Variants in WWP1 observed in about 807,000 individuals in gnomAD.
WWP1 encodes WW domain containing E3 ubiquitin protein ligase 1, also known as NEDD4-like E3 ubiquitin-protein ligase WWP1.
In WWP1, 49 loss-of-function variants were observed where a neutral mutation model predicts 130.6. The observed-to-expected ratio is 0.38, with a 90% CI of 0.30 to 0.48. The LOEUF (loss-of-function observed/expected upper bound fraction) is 0.48. Ranked by LOEUF, WWP1 falls within the 20% of genes least tolerant of loss-of-function variation. The pLI is 0.99. For missense variants in WWP1, 809 were observed against 1,100.6 expected (o/e 0.74, Z 3.75); for synonymous variants, 332 against 367.8 (o/e 0.90, Z 1.11).
At chr8:86,402,816 A>G (rs772415930) in intron 8 of WWP1, among the ~76,000 whole-genome samples, 18 of 152,228 alleles carry the variant, frequency 1.2e-4, no homozygotes, top group Non-Finnish European at 2.1e-4. Flanking sequence ...ATATTTCTGA[A>G]AGAACTTTAG....
At chr8:86,391,930 G>C (rs1807369161) in intron 5 of WWP1, among the ~76,000 whole-genome samples, 1 of 152,094 alleles carries the variant, frequency 6.6e-6, no homozygotes, top group Non-Finnish European at 1.5e-5. Context: ...ACAGAGGAAG[G>C]ATTTACCATT....
At chr8:86,454,831 A>G (rs1471903849) in intron 21 of WWP1, among the ~76,000 whole-genome samples, 1 of 152,010 alleles carries the variant, frequency 6.6e-6, no homozygotes, top group Non-Finnish European at 1.5e-5. Flanking sequence ...TTTCTTTTAC[A>G]TATAAGATGA....
chr8:86,357,431 G>A (rs1182770285), intron 1 of WWP1, among the ~76,000 whole-genome samples: 2 of 152,098 alleles, frequency 1.3e-5, no homozygotes, highest in East Asian at 3.8e-4. Context: ...AAAGTATGAT[G>A]GTTCATTTAA....
In WWP1 at chr8:86,411,749, G is replaced by C. The variant is rs1373594423; in HGVS notation, c.936G>C (p.Glu312Asp). The change falls in exon 9 of 25, where the codon GAG becomes GAC. Residue 312 changes from glutamate (E) to aspartate (D), a missense_variant. Transcript: ENST00000517970. The stretch of plus-strand genomic sequence containing the variant: ...AATCTGAAGCTAGAAGTATATTAGA[G>C]CCTGACACCTCTAATTCTAGAAGTA... ...ELESEARSIL[E>D]PDTSNSRSSS... is the part of the protein sequence containing the mutation. The C allele has an allele frequency of 1.2e-6, 2 of 1,614,160 alleles. No individual in the cohort carries two copies. Among genetic ancestry groups the C allele is most frequent in the South Asian group, 2.2e-5 (2 of 91,080 alleles).
chr8:86,449,667 A>G (rs551458275), intron 20 of WWP1, among the ~76,000 whole-genome samples: 1 of 152,152 alleles, frequency 6.6e-6, no homozygotes, highest in Non-Finnish European at 1.5e-5. Context: ...CAAACTTTTC[A>G]TTTTTCCTAG....
rs530178421 is a variant in WWP1, at chr8:86,402,214, C to T, written c.724+11C>T. 6.2e-7 allele frequency: 1 copy of T among 1,609,444 alleles called. No individual in the cohort carries two copies. Among genetic ancestry groups the T allele is most frequent in the South Asian group, 1.1e-5 (1 of 90,466 alleles). ...CTGCCGATGACACTGGTAAGCAAGG[C>T]TATTTATGACACCTTGTTTAAAGGA... On this transcript the variant is annotated intron_variant, in intron 8 of 24. Transcript: ENST00000517970.
intron 24 of WWP1, among the ~76,000 whole-genome samples, chr8:86,466,142 A>T (rs1812104923): frequency 6.6e-6 from 1 of 152,184 alleles, no homozygotes; most frequent in African/African-American, 2.4e-5. Context: ...ACAAAACGAA[A>T]TGTTATTCCA....
At chr8:86,382,077 T>G (rs1825015166) in intron 5 of WWP1, among the ~76,000 whole-genome samples, 1 of 152,052 alleles carries the variant, frequency 6.6e-6, no homozygotes, top group Admixed American at 6.5e-5. Flanking sequence ...ATATAAAAAT[T>G]TTCTATAATT....
chr8:86,403,150 G>C (rs1383444678), intron 8 of WWP1, among the ~76,000 whole-genome samples: 1 of 152,164 alleles, frequency 6.6e-6, no homozygotes, highest in Non-Finnish European at 1.5e-5. Flanking sequence ...TAGCACACAT[G>C]TTGGGAATTA....
At chr8:86,378,594 T>C (rs1376454226) in intron 3 of WWP1, among the ~76,000 whole-genome samples, 1 of 152,188 alleles carries the variant, frequency 6.6e-6, no homozygotes, top group Non-Finnish European at 1.5e-5. Flanking sequence ...TTCTACTAAC[T>C]AGAACAACTT....
intron 5 of WWP1, among the ~76,000 whole-genome samples, chr8:86,383,409 A>G (rs1045855884): frequency 5.9e-5 from 9 of 152,238 alleles, no homozygotes; most frequent in African/African-American, 1.2e-4. Context: ...TGTAATGTCA[A>G]TACACTTCGA....
At chr8:86,362,087 C>T (rs1034494265) in intron 1 of WWP1, among the ~76,000 whole-genome samples, 1 of 124,772 alleles carries the variant, frequency 8.0e-6, no homozygotes, top group African/African-American at 3.5e-5. Flanking sequence ...TATATACACA[C>T]ATATATATAT....
chr8:86,425,156 GAAGA>G, intron 9 of WWP1, 63 bp from the exon 10 acceptor site: 1 of 1,299,088 alleles, frequency 7.7e-7, no homozygotes, highest in Non-Finnish European at 1.1e-6. Context: ...TGATTATAAG[GAAGA>G]GTCATTTTTA....
At position 86,402,035 on chromosome 8, in the gene WWP1, A is replaced by G. The variant is rs762484613; in HGVS notation, c.556A>G (p.Thr186Ala). Residue 186 changes from threonine to alanine, a missense_variant, in exon 8 of 25, where the codon ACG (threonine) becomes GCG (alanine). Around this residue, in one of 3 missense-constraint regions of WWP1, gnomAD observed 262 missense variants for 346.0 expected, o/e 0.76. Transcript: ENST00000517970. The stretch of plus-strand genomic sequence containing the variant: ...TTTTTCAAGGTTGGCTGTTGAAGGC[A>G]CGAATGGAATAGATAATCATGTACC... ...RTTARLAVEG[T>A]NGIDNHVPTS... The G allele has an allele frequency of 1.9e-6, 3 of 1,584,158 alleles. No individual in the cohort carries two copies. The South Asian group carries it at 3.5e-5, about 18-fold the overall frequency.
chr8:86,388,407 T>C (rs906764715), intron 5 of WWP1, among the ~76,000 whole-genome samples: 1 of 152,178 alleles, frequency 6.6e-6, no homozygotes, highest in African/African-American at 2.4e-5. Flanking sequence ...CTAGGTTGTC[T>C]TTTTTGTAAG....
chr8:86,391,730 A>G (rs1034445330), intron 5 of WWP1, among the ~76,000 whole-genome samples: 1 of 152,132 alleles, frequency 6.6e-6, no homozygotes, highest in African/African-American at 2.4e-5. Context: ...AGTCAGGAAA[A>G]TGAAAAATTA....
intron 9 of WWP1, among the ~76,000 whole-genome samples, chr8:86,423,951 CCATAAGCGCTAA>C (rs1809413255): frequency 2.6e-3 from 5 of 1,934 alleles, no homozygotes; most frequent in Non-Finnish European, 6.4e-3. Context: ...GGGGCTGCCC[CCATAAGCGCTAA>C]CTTAAGTTAG....
chr8:86,349,687 A>G (rs776279442), intron 1 of WWP1, among the ~76,000 whole-genome samples: 2 of 152,004 alleles, frequency 1.3e-5, no homozygotes, highest in Non-Finnish European at 2.9e-5. Flanking sequence ...TTGGTTAGAA[A>G]AGAGGAGAAC....
chr8:86,362,713 C>G (rs954603213), intron 1 of WWP1, among the ~76,000 whole-genome samples: 1 of 152,006 alleles, frequency 6.6e-6, no homozygotes, highest in Admixed American at 6.5e-5. Context: ...TGTAGGTATA[C>G]CACTTCAGAA....
Sources: allele counts gnomAD v4.1 joint callset (sites outside exome capture counted in the v4.1 genomes callset), GRCh38; gene constraint gnomAD v4.1.1; regional missense constraint gnomAD v4.1.1; transcripts MANE v1.5; gene names NCBI Gene and HGNC (gene_info 2026-07-23, HGNC 2026-07-21).